Variants in MCF2L2 observed in about 807,000 individuals in gnomAD.
MCF2L2 encodes the protein probable guanine nucleotide exchange factor MCF2L2.
Under a neutral mutation model 150.2 loss-of-function variants are expected in MCF2L2, and 102 were observed. The observed-to-expected ratio is 0.68, with a 90% CI of 0.58 to 0.80. The LOEUF is 0.80. Among genes scored for constraint, MCF2L2 ranks in the 30% least tolerant of loss-of-function variants. MCF2L2 has a pLI of 0.00. For synonymous variants in MCF2L2, 465 were observed against 491.3 expected, an observed-to-expected ratio of 0.95 and a Z score of 0.71; for missense variants, 1,256 against 1,372.8, an observed-to-expected ratio of 0.91 and a Z score of 1.34.
chr3:183,183,373 G>A (rs1721594116), intron 27 of MCF2L2, among the ~76,000 whole-genome samples: 1 of 152,190 alleles, frequency 6.6e-6, no homozygotes, highest in African/African-American at 2.4e-5. Flanking sequence ...GGGCTCTGAG[G>A]CCCTAAGAGT....
chr3:183,346,521 C>T (rs926149745), intron 3 of MCF2L2, among the ~76,000 whole-genome samples: 2 of 152,208 alleles, frequency 1.3e-5, no homozygotes, highest in African/African-American at 4.8e-5. Flanking sequence ...TGCCCTCTCT[C>T]ACCACTCCTA....
chr3:183,421,924 A>G (rs1195567832), intron 1 of MCF2L2, among the ~76,000 whole-genome samples: 1 of 152,160 alleles, frequency 6.6e-6, no homozygotes, highest in African/African-American at 2.4e-5. Flanking sequence ...TTGTGCCCAT[A>G]GTCTGTGTGG....
At chr3:183,314,941 T>C (rs1729540631) in intron 7 of MCF2L2, among the ~76,000 whole-genome samples, 1 of 83,952 alleles carries the variant, frequency 1.2e-5, no homozygotes, top group South Asian at 4.1e-4. Context: ...TTTTTTTTTT[T>C]TTTTTTTTTT....
chr3:183,250,313 C>T (rs1487319703), intron 15 of MCF2L2, among the ~76,000 whole-genome samples: 1 of 152,140 alleles, frequency 6.6e-6, no homozygotes, highest in Non-Finnish European at 1.5e-5. Context: ...GGGCTGGGAG[C>T]GGTGGTTCAC....
chr3:183,412,957 AC>A (rs1265619555), intron 1 of MCF2L2, among the ~76,000 whole-genome samples: 1 of 151,988 alleles, frequency 6.6e-6, no homozygotes, highest in Non-Finnish European at 1.5e-5. Flanking sequence ...TTGTCAAATG[AC>A]CTTTCTGCCT....
intron 15 of MCF2L2, among the ~76,000 whole-genome samples, chr3:183,233,823 G>A (rs1723675925): frequency 3.3e-5 from 5 of 152,070 alleles, no homozygotes; most frequent in Admixed American, 3.3e-4. Flanking sequence ...GAATGTTACT[G>A]GAGGTAATGA....
intron 1 of MCF2L2, among the ~76,000 whole-genome samples, chr3:183,420,751 C>T (rs1314916445): frequency 6.6e-6 from 1 of 152,152 alleles, no homozygotes; most frequent in East Asian, 1.9e-4. Context: ...CGCAAGGCAG[C>T]AGGAGAGAGA....
At chr3:183,251,001 G>A (rs776572295) in intron 15 of MCF2L2, among the ~76,000 whole-genome samples, 4 of 152,224 alleles carry the variant, frequency 2.6e-5, no homozygotes, top group East Asian at 1.9e-4. Flanking sequence ...ACCCTTGCAG[G>A]CAGGTATTAC....
chr3:183,389,853 G>C lies in MCF2L2; in HGVS notation c.77-74C>G, dbSNP rs143504725. 3.5e-4 allele frequency: 434 copies of C among 1,253,700 alleles called. 1 individual carries two copies. In the African/African-American group the frequency reaches 5.8e-3, roughly 17 times the overall value. 77.7% of individuals were successfully genotyped at this position (1,253,700 alleles called of 1,614,324 possible). On this transcript the variant is annotated intron_variant, in intron 1 of 29. Coordinates refer to ENST00000328913, the MANE Select transcript of MCF2L2 (RefSeq NM_015078.4). ...AAGAAGAAATTAAAAAGAAACAAAG[G>C]CAAGTTGTACTATTGGGAAATCTGG...
At chr3:183,379,471 G>A in intron 2 of MCF2L2, 60 bp from the exon 3 acceptor site, 1 of 1,168,592 alleles carries the variant, frequency 8.6e-7, no homozygotes, top group South Asian at 1.3e-5. Flanking sequence ...CACCTCTGCA[G>A]GGAAGTTGGG....
At chr3:183,423,691 T>G (rs1367746222) in intron 1 of MCF2L2, among the ~76,000 whole-genome samples, 1 of 139,964 alleles carries the variant, frequency 7.1e-6, no homozygotes, top group Non-Finnish European at 1.5e-5. Flanking sequence ...CAGGCTGGAG[T>G]GCAATGGCGC....
Position 183,315,536 on chromosome 3 carries a change from A to G in MCF2L2, c.753+2532T>C, listed in dbSNP as rs867647371. ...ACCAAATTAATGTAATAGAGTATAA[A>G]TGTCAAATAATACTTCTAACTATGT... is the stretch of plus-strand genomic sequence containing the variant. On this transcript the variant is annotated intron_variant, in intron 7 of 29. Coordinates refer to ENST00000328913, the MANE Select transcript of MCF2L2 (RefSeq NM_015078.4). Among the ~76,000 whole-genome samples the G allele has an allele frequency of 1.2e-4, 18 of 152,342 alleles. 1 individual carries two copies. The Middle Eastern group carries it at 0.01, about 86-fold the overall frequency.
intron 1 of MCF2L2, among the ~76,000 whole-genome samples, chr3:183,392,839 G>A (rs1380533623): frequency 6.6e-6 from 1 of 152,172 alleles, no homozygotes; most frequent in Non-Finnish European, 1.5e-5. Context: ...CGGCTGGCAG[G>A]CCCTGCCTCC....
chr3:183,210,295 A>G (rs1346053031), intron 22 of MCF2L2, among the ~76,000 whole-genome samples: 1 of 152,194 alleles, frequency 6.6e-6, no homozygotes, highest in Non-Finnish European at 1.5e-5. Context: ...TGTAGAAGAT[A>G]AAAGAAAAGA....
At chr3:183,364,383 G>C (rs1577094512) in intron 3 of MCF2L2, among the ~76,000 whole-genome samples, 1 of 152,032 alleles carries the variant, frequency 6.6e-6, no homozygotes, top group East Asian at 1.9e-4. Flanking sequence ...AGCTGGGCAT[G>C]GTGGTGGGTG....
intron 15 of MCF2L2, chr3:183,258,226 A>G: frequency 6.5e-6 from 1 of 152,710 alleles, no homozygotes; most frequent in Non-Finnish European, 1.5e-5. Context: ...TCGGCCTCCC[A>G]AAGTGCTGGG....
intron 3 of MCF2L2, among the ~76,000 whole-genome samples, chr3:183,363,764 A>G: frequency 6.6e-6 from 1 of 152,182 alleles, no homozygotes; most frequent in South Asian, 2.1e-4. Context: ...AGATTTTAAT[A>G]TACTACTTTA....
chr3:183,393,190 C>CT lies in MCF2L2; in HGVS notation c.77-3412dup, dbSNP rs1328807356. 1.6e-3 allele frequency among the ~76,000 whole-genome samples: 203 copies of CT among 127,192 alleles called. 2 individuals carry two copies. Among genetic ancestry groups the CT allele is most frequent in the African/African-American group, 6.1e-3 (195 of 31,840 alleles). 83.4% of individuals were successfully genotyped at this position (127,192 alleles called of 152,430 possible). A position where few individuals can be genotyped will look rare whatever the true frequency, so the allele number is the denominator to read the frequency against. On this transcript the variant is annotated intron_variant, in intron 1 of 29. Coordinates refer to ENST00000328913, the MANE Select transcript of MCF2L2 (RefSeq NM_015078.4). ...ATGCACAGATTAGGGAGAAACTTGT[C>CT]TCTTTTTTTTTTTTTTTTTTAAGGT... is the stretch of plus-strand genomic sequence containing the variant.
intron 4 of MCF2L2, among the ~76,000 whole-genome samples, chr3:183,339,792 C>T (rs780521868): frequency 6.6e-6 from 1 of 151,970 alleles, no homozygotes. Context: ...GTCTTTACTC[C>T]AGACTATTTT....
Sources: allele counts gnomAD v4.1 joint callset (sites outside exome capture counted in the v4.1 genomes callset), GRCh38; gene constraint gnomAD v4.1.1; transcripts MANE v1.5; gene names NCBI Gene and HGNC (gene_info 2026-07-23, HGNC 2026-07-21).